PKD1L1: variants seen among roughly 807,000 people sequenced by gnomAD.
The protein encoded by PKD1L1 is polycystin 1 like 1, transient receptor potential channel interacting.
Under a neutral mutation model 323.4 loss-of-function variants are expected in PKD1L1, and 236 were observed. That is an observed-to-expected ratio of 0.73 (90% CI 0.66 to 0.81). PKD1L1 has a LOEUF of 0.81. Ranked by LOEUF, PKD1L1 falls within the 40% of genes least tolerant of loss-of-function variation. The pLI is 0.00. For missense variants in PKD1L1, 3,320 were observed against 3,508.0 expected (o/e 0.95, Z 1.35); for synonymous variants, 1,344 against 1,335.0 (o/e 1.01, Z -0.15).
At chr7:47,859,446 C>T (rs1340264047) in intron 26 of PKD1L1, among the ~76,000 whole-genome samples, 3 of 152,010 alleles carry the variant, frequency 2.0e-5, no homozygotes, top group Non-Finnish European at 4.4e-5. Flanking sequence ...CTGCTTTTCT[C>T]TCTCTCTGTT....
At chr7:47,827,537 G>A in intron 44 of PKD1L1, 69 bp from the exon 45 acceptor site, 1 of 1,335,968 alleles carries the variant, frequency 7.5e-7, no homozygotes, top group East Asian at 2.4e-5. Flanking sequence ...TGGTGCTCCT[G>A]CCAAGCCAAG....
intron 56 of PKD1L1, among the ~76,000 whole-genome samples, chr7:47,779,625 G>T (rs545760271): frequency 6.6e-6 from 1 of 152,256 alleles, no homozygotes; most frequent in East Asian, 1.9e-4. Flanking sequence ...TCTGAGAATG[G>T]CTCCACCTTT....
At chr7:47,849,791 T>C (rs941360922) in intron 31 of PKD1L1, among the ~76,000 whole-genome samples, 1 of 151,798 alleles carries the variant, frequency 6.6e-6, no homozygotes, top group Admixed American at 6.6e-5. Context: ...AACCTACGAG[T>C]GGATAAAGAA....
intron 33 of PKD1L1, among the ~76,000 whole-genome samples, chr7:47,843,539 C>T (rs1399442114): frequency 1.3e-5 from 2 of 152,192 alleles, no homozygotes; most frequent in African/African-American, 4.8e-5. Flanking sequence ...TTGAAACATG[C>T]AGGTGCCATT....
At chr7:47,918,956 G>T (rs1463504656) in intron 7 of PKD1L1, among the ~76,000 whole-genome samples, 1 of 151,908 alleles carries the variant, frequency 6.6e-6, no homozygotes, top group Non-Finnish European at 1.5e-5. Context: ...CACACCTCAA[G>T]GAACTAGAGA....
At chr7:47,812,574 C>A (rs1332346256) in intron 49 of PKD1L1, among the ~76,000 whole-genome samples, 1 of 152,174 alleles carries the variant, frequency 6.6e-6, no homozygotes, top group Non-Finnish European at 1.5e-5. Flanking sequence ...ATCCGTGTTA[C>A]CACTGGGTCA....
intron 45 of PKD1L1, among the ~76,000 whole-genome samples, chr7:47,823,706 C>T (rs1785191234): frequency 6.6e-6 from 1 of 152,192 alleles, no homozygotes; most frequent in African/African-American, 2.4e-5. Flanking sequence ...TTCATTACTT[C>T]ATTAAAACTG....
Position 47,858,811 on chromosome 7 carries a change from T to C in PKD1L1, c.4224A>G (p.Pro1408=). 1.2e-6 allele frequency: 2 copies of C among 1,614,174 alleles called. No homozygotes were observed. Among genetic ancestry groups the C allele is most frequent in the African/African-American group, 1.3e-5 (1 of 75,042 alleles). Residue 1408 remains proline (P), a synonymous_variant, in exon 27 of 57, where the codon CCA becomes CCG. Transcript: ENST00000289672. ...ALLAQGQFSG[P]FVIDKGVRLE... ...GCCTCACTCCTTTGTCAATCACAAA[T>C]GGCCCCGAGAACTGGCCTTGAGCAA...
chr7:47,823,991 T>C (rs1171805895), intron 45 of PKD1L1, among the ~76,000 whole-genome samples: 1 of 152,252 alleles, frequency 6.6e-6, no homozygotes, highest in Non-Finnish European at 1.5e-5. Flanking sequence ...AATTATCCCA[T>C]GTTTGACCAA....
rs12702397 is a variant in PKD1L1, at chr7:47,882,226, C to T, written c.3266-141G>A. ...TATCTAATATAATGTCTTCAGCAGC[C>T]AAACATATTCAAGACATGTACTTTG... On this transcript the variant is annotated intron_variant, in intron 19 of 56. Coordinates refer to ENST00000289672, the MANE Select transcript of PKD1L1 (RefSeq NM_138295.5). 267,296 of 873,646 alleles carry T rather than the reference C, an allele frequency of 0.31. 42,927 individuals are homozygous for T. Among genetic ancestry groups the T allele is most frequent in the Admixed American group, 0.4 (13,597 of 33,862 alleles). 54.1% of individuals were successfully genotyped at this position (873,646 alleles called of 1,614,324 possible). A position where few individuals can be genotyped will look rare whatever the true frequency, so the allele number is the denominator to read the frequency against.
At chr7:47,783,174 A>C (rs1786733503) in intron 56 of PKD1L1, among the ~76,000 whole-genome samples, 1 of 152,202 alleles carries the variant, frequency 6.6e-6, no homozygotes, top group Non-Finnish European at 1.5e-5. Flanking sequence ...TCTATTTAAA[A>C]GTATTATTTA....
intron 24 of PKD1L1, among the ~76,000 whole-genome samples, chr7:47,873,649 C>CAAAA (rs57012071): frequency 9.0e-5 from 7 of 78,068 alleles, no homozygotes; most frequent in South Asian, 5.0e-4. Context: ...GACTCTGTCT[C>CAAAA]AAAAAAAAAA....
At chr7:47,870,807 T>C (rs1208699327) in intron 24 of PKD1L1, among the ~76,000 whole-genome samples, 3 of 151,932 alleles carry the variant, frequency 2.0e-5, no homozygotes, top group Admixed American at 6.6e-5. Context: ...GAGACCAGCC[T>C]GGGCAACATG....
chr7:47,853,111 C>T lies in PKD1L1; in HGVS notation c.4960+16G>A, dbSNP rs778939709. ...ATGTAAACAGAAAGGGAAAATAAGG[C>T]GCCCTGTTCACTGACCTTTCTGAGA... On this transcript the variant is annotated intron_variant, in intron 31 of 56. Coordinates refer to ENST00000289672, the MANE Select transcript of PKD1L1 (RefSeq NM_138295.5). 20 of 1,548,202 alleles carry T rather than the reference C, an allele frequency of 1.3e-5. No homozygotes were observed. The highest frequency in any genetic ancestry group is 5.0e-5 in the Admixed American group (3 of 59,544).
chr7:47,827,200 G>T (rs1785253696), intron 45 of PKD1L1, 150 bp downstream of exon 45: 3 of 558,384 alleles, frequency 5.4e-6, no homozygotes, highest in Non-Finnish European at 8.9e-6. Flanking sequence ...TATAAATAAG[G>T]ATGGCTCTGG....
At chr7:47,781,409 G>GTTTTTT (rs60759497) in intron 56 of PKD1L1, among the ~76,000 whole-genome samples, 97 of 71,756 alleles carry the variant, frequency 1.4e-3, no homozygotes, top group East Asian at 3.1e-3. Flanking sequence ...GTTTTGTTTT[G>GTTTTTT]TTTTTTTTTT....
At chr7:47,924,125 G>GT (rs561983247) in intron 7 of PKD1L1, among the ~76,000 whole-genome samples, 104 of 152,296 alleles carry the variant, frequency 6.8e-4, no homozygotes, top group African/African-American at 2.4e-3. Flanking sequence ...AACAAAGAAT[G>GT]TAATAATCAC....
At chr7:47,922,258 G>C (rs891614516) in intron 7 of PKD1L1, among the ~76,000 whole-genome samples, 1 of 152,120 alleles carries the variant, frequency 6.6e-6, no homozygotes, top group South Asian at 2.1e-4. Flanking sequence ...CTCTCGGCTC[G>C]CTACAACCTC....
chr7:47,883,766 C>G (rs933463697), intron 19 of PKD1L1, among the ~76,000 whole-genome samples: 2 of 152,224 alleles, frequency 1.3e-5, no homozygotes, highest in African/African-American at 4.8e-5. Context: ...ATTCATTCAT[C>G]ATCCATTATT....
Sources: gnomAD v4.1 joint callset for allele counts (sites outside exome capture counted in the v4.1 genomes callset) on GRCh38, gnomAD v4.1.1 for gene constraint, MANE v1.5 for transcripts, NCBI Gene and HGNC (gene_info 2026-07-23, HGNC 2026-07-21) for gene names.